The following ALOX15B variants were observed in gnomAD, a reference collection of about 807,000 sequenced individuals.
ALOX15B encodes the protein polyunsaturated fatty acid lipoxygenase ALOX15B.
Under a neutral mutation model 73.8 loss-of-function variants are expected in ALOX15B, and 74 were observed. The ratio of observed to expected loss-of-function variants is 1.00; its 90% CI spans 0.83 to 1.22. ALOX15B has a LOEUF of 1.22. Ranked by LOEUF, ALOX15B falls within the 50% of genes most tolerant of loss-of-function variation. The probability of loss-of-function intolerance (pLI) is 0.00; values close to 1 mark genes in which losing one functional copy is unlikely to be tolerated. For synonymous variants in ALOX15B, 353 were observed against 357.2 expected (o/e 0.99, Z 0.13); for missense variants, 896 against 859.9 (o/e 1.04, Z -0.52).
At chr17:8,040,054 G>C in intron 3 of ALOX15B, 71 bp downstream of exon 3, 1 of 1,465,936 alleles carries the variant, frequency 6.8e-7, no homozygotes, top group Non-Finnish European at 9.4e-7. Flanking sequence ...TCCTGGTCAT[G>C]ACAGAGATTA....
In ALOX15B at chr17:8,045,572, T is replaced by G; in HGVS notation, c.1086T>G (p.Asn362Lys). Reference sequence around the variant, plus strand: ...TGCTGGCCAAGACCTGGGTGCGCAATGCCGAGTTCTCCTTCCATGAGGCCC... The same window carrying G: ...TGCTGGCCAAGACCTGGGTGCGCAAGGCCGAGTTCTCCTTCCATGAGGCCC... ...DWLLAKTWVR[N>K]AEFSFHEALT... The change falls in exon 8 of 14, where the codon AAT (asparagine) becomes AAG (lysine). Residue 362 changes from asparagine to lysine, a missense_variant. Transcript: ENST00000380183. 4 of 1,614,132 alleles carry G rather than the reference T, an allele frequency of 2.5e-6. No individual in the cohort carries two copies. The highest frequency in any genetic ancestry group is 1.7e-5 in the Admixed American group (1 of 60,016).
chr17:8,046,778 G>A (rs778748493), intron 9 of ALOX15B, 24 bp downstream of exon 9: 4 of 1,613,200 alleles, frequency 2.5e-6, no homozygotes, highest in Middle Eastern at 1.6e-4. Context: ...TGGGGAGGGA[G>A]TAGGCAGGCC....
chr17:8,039,967 C>G lies in ALOX15B; in HGVS notation c.433C>G (p.Arg145Gly), dbSNP rs751641286. 4.3e-6 allele frequency: 7 copies of G among 1,612,506 alleles called. No individual in the cohort carries two copies. Among genetic ancestry groups the G allele is most frequent in the East Asian group, 2.2e-5 (1 of 44,800 alleles). ...QQQRQEELQARQEMYQWKAYN... is the reference protein window; with the variant it reads ...QQQRQEELQAGQEMYQWKAYN... ...ACAGCGCCAGGAGGAGCTTCAGGCC[C>G]GGCAGGAGATGTACCAGTGAGGAGG... The change falls in exon 3 of 14, where the codon CGG (arginine) becomes GGG (glycine). Residue 145 changes from arginine (R) to glycine (G), a missense_variant. By Grantham distance (125) the Arg-to-Gly change is moderately radical. Transcript: ENST00000380183.
Position 8,048,528 on chromosome 17 carries a change from T to C in ALOX15B, c.1994T>C (p.Leu665Pro). Residue 665 changes from leucine (L) to proline (P), a missense_variant, in exon 14 of 14, where the codon CTA becomes CCA. By Grantham distance (98) the Leu-to-Pro change is moderately conservative (BLOSUM62 -3). Transcript: ENST00000380183. ...NQGLVLPYTYLDPPLIENSVS... is the reference protein window; with the variant it reads ...NQGLVLPYTYPDPPLIENSVS... ...GGCCTGGTGCTGCCCTACACCTACC[T>C]AGACCCTCCCCTCATCGAGAACAGC... 2.5e-6 allele frequency: 4 copies of C among 1,613,998 alleles called. No individual in the cohort carries two copies. The highest frequency in any genetic ancestry group is 3.4e-6 in the Non-Finnish European group (4 of 1,179,940).
chr17:8,041,282 A>G (rs1976457244), intron 3 of ALOX15B, among the ~76,000 whole-genome samples: 1 of 152,242 alleles, frequency 6.6e-6, no homozygotes, highest in Non-Finnish European at 1.5e-5. Context: ...AACTAAGAAT[A>G]CCAATCTCGT....
rs1208549830 is a variant in ALOX15B, at chr17:8,040,002, A to G, written c.449+19A>G. 3.1e-6 allele frequency: 5 copies of G among 1,606,034 alleles called. No homozygotes were observed. Among genetic ancestry groups the G allele is most frequent in the Non-Finnish European group, 4.3e-6 (5 of 1,174,506 alleles). Reference sequence around the variant, plus strand: ...TGTACCAGTGAGGAGGGGGTTACTGATGGGGGAGGGTGTGCCCAAACGATG... The same window carrying G: ...TGTACCAGTGAGGAGGGGGTTACTGGTGGGGGAGGGTGTGCCCAAACGATG... On this transcript the variant is annotated intron_variant, in intron 3 of 13. Coordinates refer to ENST00000380183, the MANE Select transcript of ALOX15B (RefSeq NM_001141.3).
Position 8,039,924 on chromosome 17 carries a change from C to T in ALOX15B, c.390C>T (p.His130=), listed in dbSNP as rs1368934968. The T allele has an allele frequency of 4.3e-6, 7 of 1,613,512 alleles. No homozygotes were observed. Among genetic ancestry groups the T allele is most frequent in the African/African-American group, 1.3e-5 (1 of 74,812 alleles). Residue 130 remains histidine (H), a synonymous_variant, in exon 3 of 14, where the codon CAC becomes CAT. Coordinates refer to ENST00000380183, the MANE Select transcript of ALOX15B (RefSeq NM_001141.3). ...CAGCCAAGGTGTCCTGGGCAGACCA[C>T]CACCCTGTGCTCCAGCAACAGCGCC... ...EGTAKVSWAD[H]HPVLQQQRQE...
chr17:8,043,795 G>C (rs4792144), intron 5 of ALOX15B, among the ~76,000 whole-genome samples: 1 of 151,910 alleles, frequency 6.6e-6, no homozygotes, highest in South Asian at 2.1e-4. Context: ...CCGGCTGGGC[G>C]CAGTGGCTCA....
chr17:8,044,105 G>GAGAGGAAGGA (rs1355114653), intron 5 of ALOX15B, among the ~76,000 whole-genome samples: 8 of 62,380 alleles, frequency 1.3e-4, no homozygotes, highest in African/African-American at 5.1e-4. Context: ...GAGAGAGAGA[G>GAGAGGAAGGA]AGGAAGGAAG....
Position 8,045,552 on chromosome 17 carries a change from G to T in ALOX15B, c.1066G>T (p.Ala356Ser). 1 of 1,614,148 alleles carries T rather than the reference G, an allele frequency of 6.2e-7. No individual in the cohort carries two copies. The highest frequency in any genetic ancestry group is 2.2e-5 in the East Asian group (1 of 44,878). Reference protein sequence around the residue: ...PTDDKWDWLLAKTWVRNAEFS... With the variant: ...PTDDKWDWLLSKTWVRNAEFS... Reference sequence around the variant, plus strand: ...TGATGACAAGTGGGACTGGTTGCTGGCCAAGACCTGGGTGCGCAATGCCGA... The same window carrying T: ...TGATGACAAGTGGGACTGGTTGCTGTCCAAGACCTGGGTGCGCAATGCCGA... The change falls in exon 8 of 14, where the codon GCC becomes TCC. Residue 356 changes from alanine to serine, a missense_variant. Ala to Ser is a moderately conservative substitution (Grantham distance 99). Transcript: ENST00000380183.
At chr17:8,041,810 C>T (rs980392941) in intron 3 of ALOX15B, among the ~76,000 whole-genome samples, 8 of 152,196 alleles carry the variant, frequency 5.3e-5, no homozygotes, top group African/African-American at 1.9e-4. Context: ...CTATGGGACA[C>T]CTACCAAAGG....
chr17:8,048,707 C>T lies in ALOX15B; in HGVS notation c.*142C>T. ...ACAACCAGACTCTGTAACTCACCCC[C>T]ACCACCATACACACACACAAAAACA... On this transcript the variant is annotated 3_prime_UTR_variant, in exon 14 of 14. Coordinates refer to ENST00000380183, the MANE Select transcript of ALOX15B (RefSeq NM_001141.3). 1 of 777,106 alleles carries T rather than the reference C, an allele frequency of 1.3e-6. No individual in the cohort carries two copies. 48.1% of individuals were successfully genotyped at this position (777,106 alleles called of 1,614,324 possible). A position where few individuals can be genotyped will look rare whatever the true frequency, so the allele number is the denominator to read the frequency against.
At chr17:8,042,231 G>A (rs1976481452) in intron 3 of ALOX15B, 138 bp from the exon 4 acceptor site, 2 of 1,072,500 alleles carry the variant, frequency 1.9e-6, no homozygotes, top group African/African-American at 3.2e-5. Context: ...AGAATGGAAG[G>A]GCAGCTCCCA....
At position 8,045,693 on chromosome 17, in the gene ALOX15B, G is replaced by A; in HGVS notation, c.1200+7G>A. ...CTGCCACCCTCTCTTCAAGGTCAGT[G>A]GCTTGACAAGGTGGCCCAGCCTGTG... On this transcript the variant is annotated splice_region_variant and intron_variant, in intron 8 of 13. Coordinates refer to ENST00000380183, the MANE Select transcript of ALOX15B (RefSeq NM_001141.3). 1 of 1,612,794 alleles carries A rather than the reference G, an allele frequency of 6.2e-7. No individual in the cohort carries two copies. Among genetic ancestry groups the A allele is most frequent in the Non-Finnish European group, 8.5e-7 (1 of 1,179,772 alleles).
At chr17:8,042,158 C>T (rs1976480088) in intron 3 of ALOX15B, among the ~76,000 whole-genome samples, 8 of 152,230 alleles carry the variant, frequency 5.3e-5, no homozygotes, top group Admixed American at 5.2e-4. Flanking sequence ...GGACCAATCA[C>T]CCTTGACCAG....
In ALOX15B at chr17:8,047,614, A is replaced by C. The variant is rs1458933484; in HGVS notation, c.1630A>C (p.Met544Leu). The change falls in exon 12 of 14, where the codon ATG (methionine) becomes CTG (leucine). Residue 544 changes from methionine (M) to leucine (L), a missense_variant. Coordinates refer to ENST00000380183, the MANE Select transcript of ALOX15B (RefSeq NM_001141.3). ...TREALVQYVTMVIFTCSAKHA... is the reference protein window; with the variant it reads ...TREALVQYVTLVIFTCSAKHA... ...GGAAGCCCTGGTGCAGTATGTCACCATGGTGATATTCACCTGCTCCGCCAA... is the reference window on the plus strand; with the variant it reads ...GGAAGCCCTGGTGCAGTATGTCACCCTGGTGATATTCACCTGCTCCGCCAA... 1 of 1,611,536 alleles carries C rather than the reference A, an allele frequency of 6.2e-7. No individual in the cohort carries two copies. The highest frequency in any genetic ancestry group is 1.1e-5 in the South Asian group (1 of 90,550).
Position 8,040,601 on chromosome 17 carries a change from G to GAGAGAGAGAAAGAAAGAA in ALOX15B, c.449+621_449+622insGAGAGAAAGAAAGAAAGA, listed in dbSNP as rs1555638441. On this transcript the variant is annotated intron_variant, in intron 3 of 13. Transcript: ENST00000380183. Reference sequence around the variant, plus strand: ...GGAAGGAAAGAGAGAAAGAAAGAGAGAGAAAGAAAGAAAGAAAGAAAGAAA... The same window carrying GAGAGAGAGAAAGAAAGAA: ...GGAAGGAAAGAGAGAAAGAAAGAGAGAGAGAGAGAAAGAAAGAAAGAAAGAAAGAAAGAAAGAAAGAAA... 8.0e-4 allele frequency among the ~76,000 whole-genome samples: 88 copies of GAGAGAGAGAAAGAAAGAA among 109,518 alleles called. 2 individuals carry two copies. Among genetic ancestry groups the GAGAGAGAGAAAGAAAGAA allele is most frequent in the Admixed American group, 4.5e-3 (47 of 10,342 alleles). The allele number at this position is 109,518 out of a possible 152,430, so 71.8% of individuals were successfully genotyped here. A position where few individuals can be genotyped will look rare whatever the true frequency, so the allele number is the denominator to read the frequency against.
chr17:8,046,915 C>T lies in ALOX15B; in HGVS notation c.1296C>T (p.Gly432=). 1 of 1,614,126 alleles carries T rather than the reference C, an allele frequency of 6.2e-7. No homozygotes were observed. The highest frequency in any genetic ancestry group is 8.5e-7 in the Non-Finnish European group (1 of 1,180,006). Residue 432 remains glycine (G), a synonymous_variant, in exon 10 of 14, where the codon GGC becomes GGT. Transcript: ENST00000380183. ...AGAGTCCTGTCTCTCAGTCCACAGG[C>T]ATCGGCATTGAAGGCTTCTCTGAGT... The part of the protein sequence containing the change: ...VPGQVVDRST[G]IGIEGFSELI...
Position 8,039,135 on chromosome 17 carries a change from AGCTGGACTTAG to A in ALOX15B, c.-15_-5del, listed in dbSNP as rs747324375. 1 of 1,610,502 alleles carries A rather than the reference AGCTGGACTTAG, an allele frequency of 6.2e-7. No individual in the cohort carries two copies. Among genetic ancestry groups the A allele is most frequent in the South Asian group, 1.1e-5 (1 of 90,564 alleles). On this transcript the variant is annotated 5_prime_UTR_variant, in exon 1 of 14. Transcript: ENST00000380183. ...CTCTGCAGCCCTGTGCGCCGTAGAGAGCTGGACTTAGGCTGGCAGCATGGCCGAGTTCAGGG... is the reference window on the plus strand; with the variant it reads ...CTCTGCAGCCCTGTGCGCCGTAGAGAGCTGGCAGCATGGCCGAGTTCAGGG...
Sources: allele counts gnomAD v4.1 joint callset (sites outside exome capture counted in the v4.1 genomes callset), GRCh38; gene constraint gnomAD v4.1.1; transcripts MANE v1.5; gene names NCBI Gene and HGNC (gene_info 2026-07-23, HGNC 2026-07-21).